ALPK1: variants seen among roughly 807,000 people sequenced by gnomAD.
The protein encoded by ALPK1 is alpha-protein kinase 1.
Under a neutral mutation model 120.6 loss-of-function variants are expected in ALPK1, and 110 were observed. The observed-to-expected ratio is 0.91, with a 90% confidence interval of 0.78 to 1.07. ALPK1 has a LOEUF of 1.07. Among genes scored for constraint, ALPK1 ranks in the 50% least tolerant of loss-of-function variants. The pLI is 0.00. For synonymous variants in ALPK1, 582 were observed against 560.3 expected, an observed-to-expected ratio of 1.04 and a Z score of -0.55; for missense variants, 1,498 against 1,483.9, an observed-to-expected ratio of 1.01 and a Z score of -0.16.
intron 4 of ALPK1, among the ~76,000 whole-genome samples, chr4:112,405,738 G>A (rs1236716342): frequency 6.6e-6 from 1 of 152,048 alleles, no homozygotes; most frequent in Non-Finnish European, 1.5e-5. Context: ...ACCACACCTG[G>A]CTAATTTTTT....
intron 4 of ALPK1, chr4:112,384,309 A>G (rs1041346649): frequency 2.6e-5 from 4 of 152,258 alleles, no homozygotes; most frequent in African/African-American, 9.6e-5. Flanking sequence ...AGTAAGCTGT[A>G]GGCCATCCAG....
chr4:112,359,221 G>T, intron 2 of ALPK1: 1 of 583,978 alleles, frequency 1.7e-6, no homozygotes, highest in Non-Finnish European at 3.1e-6. Flanking sequence ...CACCCACAGT[G>T]GGGGTCCAGA....
At chr4:112,360,351 A>G (rs1265367379) in intron 2 of ALPK1, among the ~76,000 whole-genome samples, 2 of 152,186 alleles carry the variant, frequency 1.3e-5, no homozygotes, top group Non-Finnish European at 2.9e-5. Context: ...GGCTGGTTCC[A>G]TATCGTGGCT....
intron 13 of ALPK1, 133 bp downstream of exon 13, chr4:112,438,779 C>T: frequency 1.0e-6 from 1 of 985,970 alleles, no homozygotes; most frequent in Non-Finnish European, 1.5e-6. Flanking sequence ...CCTGTACTTT[C>T]CAAGAGAGAA....
At chr4:112,314,196 G>C (rs554816338) in intron 1 of ALPK1, among the ~76,000 whole-genome samples, 1 of 152,174 alleles carries the variant, frequency 6.6e-6, no homozygotes. Context: ...TGTTAGATTC[G>C]TAGAAGGGAG....
chr4:112,415,977 T>C (rs1422484122), intron 5 of ALPK1, among the ~76,000 whole-genome samples: 2 of 152,252 alleles, frequency 1.3e-5, no homozygotes, highest in Non-Finnish European at 1.5e-5. Flanking sequence ...TCAAGAGTTA[T>C]ACAATTATTT....
Position 112,310,377 on chromosome 4 carries a change from T to C in ALPK1, c.-152-5424T>C, listed in dbSNP as rs1728340856. Reference sequence around the variant, plus strand: ...ATGCCTCCTTTGATTTGGTGTTGCATAACAAAACAACACACCCTGAATATT... The same window carrying C: ...ATGCCTCCTTTGATTTGGTGTTGCACAACAAAACAACACACCCTGAATATT... On this transcript the variant is annotated intron_variant, in intron 1 of 15. Coordinates refer to ENST00000650871, the MANE Select transcript of ALPK1 (RefSeq NM_025144.4). 2.0e-5 allele frequency among the ~76,000 whole-genome samples: 3 copies of C among 152,230 alleles called. No homozygotes were observed. In the South Asian group the frequency reaches 6.2e-4, roughly 32 times the overall value.
intron 1 of ALPK1, among the ~76,000 whole-genome samples, chr4:112,299,351 C>T (rs1212605761): frequency 6.6e-6 from 1 of 152,050 alleles, no homozygotes; most frequent in Non-Finnish European, 1.5e-5. Flanking sequence ...TGATTTTAGG[C>T]AGTACATGTC....
Position 112,441,484 on chromosome 4 carries a change from T to G in ALPK1, c.*274T>G, listed in dbSNP as rs887848554. 8.6e-6 allele frequency: 4 copies of G among 466,650 alleles called. No individual in the cohort carries two copies. Among genetic ancestry groups the G allele is most frequent in the African/African-American group, 5.9e-5 (3 of 51,068 alleles). 28.9% of individuals were successfully genotyped at this position (466,650 alleles called of 1,614,324 possible). On this transcript the variant is annotated 3_prime_UTR_variant, in exon 16 of 16. Transcript: ENST00000650871. ...AAGCACTCTTGAGAAAGGCATGTGT[T>G]GTTTAAGCCATTGAGATTTTAGAGC...
At chr4:112,349,556 C>T (rs982873014) in intron 2 of ALPK1, among the ~76,000 whole-genome samples, 2 of 142,618 alleles carry the variant, frequency 1.4e-5, no homozygotes, top group Non-Finnish European at 3.0e-5. Context: ...CCCCTGCCCC[C>T]CCCCGCTTTA....
Position 112,377,837 on chromosome 4 carries a change from G to C in ALPK1, c.60G>C (p.Gln20His). ...AAGAGTGCAAGCAAGTGCTGGATCA[G>C]CTCTTGTTGGAAGCGCCAGATGTGT... ...LLQECKQVLD[Q>H]LLLEAPDVSE... is the part of the protein sequence containing the mutation. The change falls in exon 3 of 16, where the codon CAG (glutamine) becomes CAC (histidine). Residue 20 changes from glutamine (Q) to histidine (H), a missense_variant. Coordinates refer to ENST00000650871, the MANE Select transcript of ALPK1 (RefSeq NM_025144.4). The C allele has an allele frequency of 1.2e-6, 2 of 1,613,712 alleles. No individual in the cohort carries two copies. Among genetic ancestry groups the C allele is most frequent in the South Asian group, 1.1e-5 (1 of 91,012 alleles).
At chr4:112,346,678 T>C (rs1302506962) in intron 2 of ALPK1, among the ~76,000 whole-genome samples, 2 of 152,268 alleles carry the variant, frequency 1.3e-5, no homozygotes, top group Admixed American at 6.5e-5. Flanking sequence ...AAATGCTTTC[T>C]TAAGTATATA....
chr4:112,439,601 C>G (rs1278408900), intron 13 of ALPK1, 85 bp from the exon 14 acceptor site: 6 of 1,191,742 alleles, frequency 5.0e-6, no homozygotes, highest in Non-Finnish European at 6.9e-6. Flanking sequence ...AGTGGCAGAG[C>G]CTAGGTTCAA....
intron 1 of ALPK1, among the ~76,000 whole-genome samples, chr4:112,303,719 T>C (rs1442128218): frequency 1.3e-5 from 2 of 152,104 alleles, no homozygotes; most frequent in African/African-American, 4.8e-5. Context: ...CCACATCTTT[T>C]TTTTTTTTAA....
intron 2 of ALPK1, chr4:112,358,123 TG>T: frequency 8.3e-6 from 5 of 605,520 alleles, no homozygotes; most frequent in South Asian, 1.5e-5. Context: ...AGGTTGGGGC[TG>T]GGGGCCAGTT....
At chr4:112,373,498 T>G (rs996005591) in intron 2 of ALPK1, among the ~76,000 whole-genome samples, 2 of 152,252 alleles carry the variant, frequency 1.3e-5, no homozygotes, top group Non-Finnish European at 2.9e-5. Flanking sequence ...CTTTTTGAAG[T>G]ATCCCAAACA....
chr4:112,299,160 G>C (rs947626854), intron 1 of ALPK1, among the ~76,000 whole-genome samples: 2 of 150,870 alleles, frequency 1.3e-5, no homozygotes, highest in African/African-American at 2.5e-5. Context: ...GGTGACAACT[G>C]TTTTTGCAGA....
At chr4:112,336,370 C>T (rs1729620565) in intron 2 of ALPK1, among the ~76,000 whole-genome samples, 1 of 152,034 alleles carries the variant, frequency 6.6e-6, no homozygotes, top group African/African-American at 2.4e-5. Flanking sequence ...GGAAGACAGA[C>T]CTACAGAAAC....
At chr4:112,324,513 T>G (rs1729020771) in intron 2 of ALPK1, among the ~76,000 whole-genome samples, 1 of 152,146 alleles carries the variant, frequency 6.6e-6, no homozygotes, top group African/African-American at 2.4e-5. Context: ...GGTCTAACTC[T>G]ATTGTCCTGG....
Sources: allele counts gnomAD v4.1 joint callset (sites outside exome capture counted in the v4.1 genomes callset), GRCh38; gene constraint gnomAD v4.1.1; transcripts MANE v1.5; gene names NCBI Gene and HGNC (gene_info 2026-07-23, HGNC 2026-07-21).